The following UNC80 variants were observed in gnomAD, a reference collection of about 807,000 sequenced individuals.
UNC80 encodes unc-80 subunit of NALCN channel complex.
A neutral mutation model predicts 384.6 loss-of-function variants in UNC80; 164 were observed. The ratio of observed to expected loss-of-function variants is 0.43; its 90% CI spans 0.38 to 0.49. The LOEUF (loss-of-function observed/expected upper bound fraction) is 0.49, where lower values mean the gene tolerates loss of function less well. Ranked by LOEUF, UNC80 falls within the 20% of genes least tolerant of loss-of-function variation. The pLI, the probability that UNC80 is intolerant of heterozygous loss-of-function variation, is 0.00. For missense variants in UNC80, 3,330 were observed against 4,143.0 expected (o/e 0.80, Z 5.39); for synonymous variants, 1,486 against 1,527.8 (o/e 0.97, Z 0.64).
chr2:209,806,724 T>G (rs1486786329), intron 7 of UNC80, among the ~76,000 whole-genome samples: 1 of 152,246 alleles, frequency 6.6e-6, no homozygotes, highest in Non-Finnish European at 1.5e-5. Context: ...TTATCTCTTT[T>G]GCTCTGAACT....
Position 209,921,695 on chromosome 2 carries a change from T to C in UNC80, c.5530+9T>C. The C allele has an allele frequency of 6.5e-7, 1 of 1,537,100 alleles. No individual in the cohort carries two copies. Among genetic ancestry groups the C allele is most frequent in the Non-Finnish European group, 8.8e-7 (1 of 1,141,302 alleles). ...AGAACCGGAAGAAGAAGGTGCCCTC[T>C]GCACACAGGACTTCTTGGGGGGCTG... On this transcript the variant is annotated intron_variant, in intron 34 of 64. Coordinates refer to ENST00000673920, the MANE Select transcript of UNC80 (RefSeq NM_001371986.1).
At chr2:209,926,211 C>G (rs754099262) in intron 35 of UNC80, among the ~76,000 whole-genome samples, 2 of 152,124 alleles carry the variant, frequency 1.3e-5, no homozygotes, top group Non-Finnish European at 2.9e-5. Flanking sequence ...CAACCAGTTG[C>G]ATCTATGAAA....
chr2:209,819,938 C>T (rs2080022991), intron 12 of UNC80, among the ~76,000 whole-genome samples: 1 of 152,110 alleles, frequency 6.6e-6, no homozygotes, highest in African/African-American at 2.4e-5. Context: ...GAATGAAAGA[C>T]AGGAGATTAA....
At chr2:209,910,485 C>T (rs2088794153) in intron 29 of UNC80, among the ~76,000 whole-genome samples, 1 of 152,012 alleles carries the variant, frequency 6.6e-6, no homozygotes, top group Non-Finnish European at 1.5e-5. Flanking sequence ...GCCCTTGCAG[C>T]TTCCTTCCTT....
At chr2:209,844,528 CT>C (rs1559186387) in intron 21 of UNC80, among the ~76,000 whole-genome samples, 4 of 124,746 alleles carry the variant, frequency 3.2e-5, no homozygotes, top group Admixed American at 2.7e-4. Flanking sequence ...TCCTTCCTTC[CT>C]TCCTTCCTTC....
chr2:209,890,035 C>T (rs2086185773), intron 26 of UNC80, among the ~76,000 whole-genome samples: 1 of 151,972 alleles, frequency 6.6e-6, no homozygotes, highest in Non-Finnish European at 1.5e-5. Context: ...GACATTCAGA[C>T]CTAATTAGAA....
At chr2:209,789,300 A>G (rs1275192751) in intron 5 of UNC80, among the ~76,000 whole-genome samples, 1 of 152,148 alleles carries the variant, frequency 6.6e-6, no homozygotes, top group Admixed American at 6.5e-5. Flanking sequence ...ACTTTTTAGC[A>G]CCTTAACTTA....
intron 51 of UNC80, among the ~76,000 whole-genome samples, chr2:209,961,596 G>A (rs2092592102): frequency 6.6e-6 from 1 of 151,968 alleles, no homozygotes; most frequent in Non-Finnish European, 1.5e-5. Context: ...ATCAATATAA[G>A]ATCATATTAG....
chr2:209,816,035 C>T (rs1321063563), intron 9 of UNC80, among the ~76,000 whole-genome samples: 2 of 152,080 alleles, frequency 1.3e-5, no homozygotes, highest in Admixed American at 1.3e-4. Context: ...ACACAGAACA[C>T]GATATTAACT....
chr2:209,773,407 G>A (rs1030950930), intron 2 of UNC80, among the ~76,000 whole-genome samples: 1 of 152,206 alleles, frequency 6.6e-6, no homozygotes, highest in Non-Finnish European at 1.5e-5. Context: ...AAGCACTATG[G>A]AGAAAAATTA....
chr2:209,893,506 T>C (rs934066574), intron 26 of UNC80, among the ~76,000 whole-genome samples: 6 of 152,218 alleles, frequency 3.9e-5, no homozygotes, highest in African/African-American at 1.4e-4. Context: ...ATGCATAGAC[T>C]GTTTTAAGTT....
intron 22 of UNC80, among the ~76,000 whole-genome samples, chr2:209,869,646 G>A (rs748036420): frequency 5.3e-5 from 8 of 152,120 alleles, no homozygotes; most frequent in Non-Finnish European, 7.4e-5. Flanking sequence ...CAATATTTGA[G>A]TGACTCTATG....
chr2:209,891,291 A>G (rs529401942), intron 26 of UNC80, among the ~76,000 whole-genome samples: 1 of 152,288 alleles, frequency 6.6e-6, no homozygotes, highest in South Asian at 2.1e-4. Context: ...TGCAGGAAGG[A>G]TAAGTCAAGT....
intron 22 of UNC80, among the ~76,000 whole-genome samples, chr2:209,869,755 T>C (rs938746341): frequency 6.6e-6 from 1 of 152,158 alleles, no homozygotes; most frequent in African/African-American, 2.4e-5. Flanking sequence ...CTCCCCCTTA[T>C]GTTTTACCAT....
At chr2:209,986,053 A>G (rs2093280700) in intron 61 of UNC80, among the ~76,000 whole-genome samples, 1 of 152,210 alleles carries the variant, frequency 6.6e-6, no homozygotes, top group African/African-American at 2.4e-5. Context: ...GTGCTGCAGA[A>G]TGCAGACTTA....
At position 209,862,185 on chromosome 2, in the gene UNC80, T is replaced by C. The variant is rs1448470425; in HGVS notation, c.3628-10573T>C. Among the ~76,000 whole-genome samples, 9 of 152,226 alleles carry C rather than the reference T, an allele frequency of 5.9e-5. No individual in the cohort carries two copies. In the South Asian group the frequency reaches 6.2e-4, roughly 11 times the overall value. On this transcript the variant is annotated intron_variant, in intron 22 of 64. Transcript: ENST00000673920. ...ATGTGGGCATTTAGTGCTATAAATT[T>C]CCCTGTTAACACTGCTTTAGCTCTG...
intron 14 of UNC80, among the ~76,000 whole-genome samples, chr2:209,826,332 A>T (rs1395722807): frequency 6.6e-6 from 1 of 152,206 alleles, no homozygotes; most frequent in Non-Finnish European, 1.5e-5. Context: ...TGTGAATTGC[A>T]GCTTGAAAGA....
chr2:209,857,602 T>G (rs867526796), intron 22 of UNC80, among the ~76,000 whole-genome samples: 3 of 152,142 alleles, frequency 2.0e-5, no homozygotes, highest in Non-Finnish European at 1.5e-5. Context: ...TTTTCTCTCA[T>G]GCTTTGGGCT....
chr2:209,844,542 T>C (rs966189997), intron 21 of UNC80, among the ~76,000 whole-genome samples: 2 of 130,550 alleles, frequency 1.5e-5, no homozygotes, highest in Non-Finnish European at 3.2e-5. Context: ...CTTCCTTCCT[T>C]CCTTCCTTTT....
Sources: allele counts gnomAD v4.1 joint callset (sites outside exome capture counted in the v4.1 genomes callset), GRCh38; gene constraint gnomAD v4.1.1; transcripts MANE v1.5; gene names NCBI Gene and HGNC (gene_info 2026-07-23, HGNC 2026-07-21).